The following FRMD3 variants were observed in gnomAD, a reference collection of about 807,000 sequenced individuals.
The protein encoded by FRMD3 is FERM domain-containing protein 3.
In FRMD3, 33 loss-of-function variants were observed where a neutral mutation model predicts 70.2. The ratio of observed to expected loss-of-function variants is 0.47; its 90% CI spans 0.36 to 0.63. The LOEUF (loss-of-function observed/expected upper bound fraction) is 0.63. FRMD3 is among the 20% of genes least tolerant of loss of function. FRMD3 has a pLI of 0.00. For missense variants in FRMD3, 632 were observed against 711.4 expected, an observed-to-expected ratio of 0.89 and a Z score of 1.27; for synonymous variants, 279 against 255.9, an observed-to-expected ratio of 1.09 and a Z score of -0.86.
chr9:83,511,564 G>T (rs1829339697), intron 1 of FRMD3, among the ~76,000 whole-genome samples: 1 of 152,220 alleles, frequency 6.6e-6, no homozygotes, highest in African/African-American at 2.4e-5. Flanking sequence ...GGAGAGCCAG[G>T]AAAGAGCGCC....
At chr9:83,495,695 T>A (rs1417527604) in intron 1 of FRMD3, among the ~76,000 whole-genome samples, 5 of 152,178 alleles carry the variant, frequency 3.3e-5, no homozygotes, top group Non-Finnish European at 7.3e-5. Context: ...ATAGTAAGCA[T>A]CTTTTCTGTG....
intron 1 of FRMD3, among the ~76,000 whole-genome samples, chr9:83,519,611 T>C (rs1487349597): frequency 1.3e-5 from 2 of 152,174 alleles, no homozygotes; most frequent in African/African-American, 2.4e-5. Context: ...AGAACTAGAA[T>C]ATATAATTTG....
intron 5 of FRMD3, among the ~76,000 whole-genome samples, chr9:83,339,106 C>A (rs1434345923): frequency 6.6e-6 from 1 of 152,096 alleles, no homozygotes; most frequent in African/African-American, 2.4e-5. Flanking sequence ...GTGCCCTTTT[C>A]TTTCCAGGAA....
rs1451820658 is a variant in FRMD3 at position 83,416,764 on chromosome 9, TCTCTCTCTCTCTCTCTCTCTCTCA to T, written c.148-27080_148-27057del. Reference sequence around the variant, plus strand: ...CTCTCTGTCTCTCTCTCTCTCTCTCTCTCTCTCTCTCTCTCTCTCTCTCACTCTCTCTCTCTCTTACTCTTTCAC... The same window carrying T: ...CTCTCTGTCTCTCTCTCTCTCTCTCTCTCTCTCTCTCTCTTACTCTTTCAC... On this transcript the variant is annotated intron_variant, in intron 1 of 13. Coordinates refer to ENST00000304195, the MANE Select transcript of FRMD3 (RefSeq NM_174938.6). 1.2e-3 allele frequency among the ~76,000 whole-genome samples: 137 copies of T among 117,152 alleles called. 1 individual carries two copies. The highest frequency in any genetic ancestry group is 4.5e-3 in the African/African-American group (123 of 27,146). 76.9% of individuals were successfully genotyped at this position (117,152 alleles called of 152,430 possible). A position where few individuals can be genotyped will look rare whatever the true frequency, so the allele number is the denominator to read the frequency against.
At chr9:83,585,564 C>G in the FRMD3 span, among the ~76,000 whole-genome samples, 2 of 152,116 alleles carry the variant, frequency 1.3e-5, no homozygotes, top group Non-Finnish European at 2.9e-5. Flanking sequence ...TCTCTTCTTC[C>G]TTCCTGCTGC....
chr9:83,521,114 G>A (rs1829562836), intron 1 of FRMD3, among the ~76,000 whole-genome samples: 1 of 151,804 alleles, frequency 6.6e-6, no homozygotes. Flanking sequence ...ACTCTAGTCT[G>A]GGTGACAAGC....
chr9:83,361,831 G>C (rs1013892358), intron 3 of FRMD3, among the ~76,000 whole-genome samples: 23 of 152,322 alleles, frequency 1.5e-4, no homozygotes, highest in South Asian at 1.0e-3. Context: ...GATGGAGGCA[G>C]AGTGTGGAGT....
chr9:83,378,750 TA>T (rs1825253493), intron 2 of FRMD3, among the ~76,000 whole-genome samples: 1 of 121,528 alleles, frequency 8.2e-6, no homozygotes, highest in Non-Finnish European at 1.6e-5. Flanking sequence ...ATATTATATA[TA>T]ATATATAATT....
At chr9:83,543,496 C>T (rs913233727), upstream of FRMD3, among the ~76,000 whole-genome samples, 6 of 152,226 alleles carry the variant, frequency 3.9e-5, no homozygotes, top group African/African-American at 7.2e-5. Flanking sequence ...GCTATGGTAG[C>T]GGGCACCACA....
chr9:83,441,566 C>T (rs1827296404), intron 1 of FRMD3, among the ~76,000 whole-genome samples: 1 of 152,076 alleles, frequency 6.6e-6, no homozygotes. Context: ...TCCAAGAATC[C>T]AGGTCAACAG....
In FRMD3 at chr9:83,302,164, C is replaced by T. The variant is rs535074843; in HGVS notation, c.927-2978G>A. Among the ~76,000 whole-genome samples, 10 of 152,244 alleles carry T rather than the reference C, an allele frequency of 6.6e-5. No homozygotes were observed. The South Asian group carries it at 1.9e-3, about 28-fold the overall frequency. ...GTGGCCAGGTTAAAGTACATGAATC[C>T]GGAGTACCAGATCCCAAACCTGGCC... On this transcript the variant is annotated intron_variant, in intron 10 of 13. Transcript: ENST00000304195.
chr9:83,368,304 CAT>C (rs1824855118), intron 3 of FRMD3, among the ~76,000 whole-genome samples: 1 of 149,444 alleles, frequency 6.7e-6, no homozygotes, highest in Non-Finnish European at 1.5e-5. Context: ...TCAATTTTAC[CAT>C]ATGTTAATAT....
At chr9:83,564,971 A>T in the FRMD3 span, among the ~76,000 whole-genome samples, 12,006 of 152,246 alleles carry the variant, frequency 0.079, 556 homozygotes, top group Middle Eastern at 0.2. Flanking sequence ...TCAGAAACAC[A>T]TTCTATTTAA....
chr9:83,486,759 T>C (rs1219961241), intron 1 of FRMD3, among the ~76,000 whole-genome samples: 1 of 152,162 alleles, frequency 6.6e-6, no homozygotes, highest in African/African-American at 2.4e-5. Context: ...GCCATGAAAA[T>C]GTGTAACATA....
At chr9:83,444,894 C>T (rs1827409924) in intron 1 of FRMD3, among the ~76,000 whole-genome samples, 1 of 152,190 alleles carries the variant, frequency 6.6e-6, no homozygotes, top group African/African-American at 2.4e-5. Context: ...AAGTTCAAAG[C>T]CAAATGCATG....
chr9:83,256,239 T>G (rs1832701810), intron 13 of FRMD3, among the ~76,000 whole-genome samples: 1 of 151,028 alleles, frequency 6.6e-6, no homozygotes, highest in Admixed American at 6.6e-5. Flanking sequence ...CACCTGATCT[T>G]CAAAAAACTT....
intron 10 of FRMD3, among the ~76,000 whole-genome samples, chr9:83,305,746 C>T (rs562036064): frequency 1.3e-5 from 2 of 152,286 alleles, no homozygotes; most frequent in South Asian, 2.1e-4. Context: ...AAATCTCAGA[C>T]GGCTATAAAT....
intron 1 of FRMD3, among the ~76,000 whole-genome samples, chr9:83,479,675 A>AGAAAGAAG (rs1828499609): frequency 2.4e-5 from 1 of 41,328 alleles, no homozygotes; most frequent in South Asian, 1.1e-3. Flanking sequence ...AAGGAAGGAA[A>AGAAAGAAG]GAAAGAAAGA....
chr9:83,446,539 C>A (rs10746708), intron 1 of FRMD3, among the ~76,000 whole-genome samples: 1 of 150,370 alleles, frequency 6.7e-6, no homozygotes, highest in African/African-American at 2.5e-5. Flanking sequence ...CCCAGCTACT[C>A]GGGAGGCTGA....
Sources: allele counts gnomAD v4.1 joint callset (sites outside exome capture counted in the v4.1 genomes callset), GRCh38; gene constraint gnomAD v4.1.1; transcripts MANE v1.5; gene names NCBI Gene and HGNC (gene_info 2026-07-23, HGNC 2026-07-21).